IHO1: variants seen among roughly 807,000 people sequenced by gnomAD.
IHO1 encodes the protein interactor of HORMAD1 1.
Under a neutral mutation model 31.0 loss-of-function variants are expected in IHO1, and 13 were observed. The ratio of observed to expected loss-of-function variants is 0.42; its 90% CI spans 0.27 to 0.67. The LOEUF (loss-of-function observed/expected upper bound fraction) is 0.67, where lower values mean the gene tolerates loss of function less well. IHO1 is among the 30% of genes least tolerant of loss of function. The probability of loss-of-function intolerance (pLI) is 0.24; values close to 1 mark genes in which losing one functional copy is unlikely to be tolerated. For missense variants in IHO1, 599 were observed against 687.5 expected (o/e 0.87, Z 1.44); for synonymous variants, 221 against 248.4 (o/e 0.89, Z 1.04).
intron 1 of IHO1, among the ~76,000 whole-genome samples, chr3:49,210,942 C>T (rs1029101583): frequency 8.6e-5 from 13 of 151,294 alleles, no homozygotes; most frequent in East Asian, 1.9e-4. Flanking sequence ...GTGATCCACC[C>T]GCCTCGGTCT....
upstream of IHO1, among the ~76,000 whole-genome samples, chr3:49,194,512 C>T (rs1575558244): frequency 6.8e-6 from 1 of 146,878 alleles, no homozygotes; most frequent in Non-Finnish European, 1.5e-5. Context: ...ACTGTGGTCT[C>T]GATCTCCTGA....
At chr3:49,231,465 T>C (rs2046481266) in intron 2 of IHO1, among the ~76,000 whole-genome samples, 1 of 152,246 alleles carries the variant, frequency 6.6e-6, no homozygotes, top group Non-Finnish European at 1.5e-5. Context: ...GTTTTTCAGA[T>C]GCCTTATACT....
At chr3:49,225,549 T>C (rs577996959) in intron 2 of IHO1, among the ~76,000 whole-genome samples, 2 of 151,970 alleles carry the variant, frequency 1.3e-5, no homozygotes, top group Non-Finnish European at 2.9e-5. Flanking sequence ...AACTTCAGGG[T>C]TGATTCCCTC....
At chr3:49,226,862 G>T (rs1034713855) in intron 2 of IHO1, among the ~76,000 whole-genome samples, 6 of 152,130 alleles carry the variant, frequency 3.9e-5, no homozygotes, top group Admixed American at 1.3e-4. Context: ...AATCAGAGAG[G>T]GAGAAGTGGA....
intron 2 of IHO1, among the ~76,000 whole-genome samples, chr3:49,231,000 C>G (rs1424173881): frequency 2.0e-5 from 3 of 152,194 alleles, no homozygotes; most frequent in Admixed American, 2.0e-4. Flanking sequence ...AGAATAGATA[C>G]AGAGAAGACT....
At chr3:49,217,912 C>T (rs1559440958) in intron 2 of IHO1, among the ~76,000 whole-genome samples, 2 of 152,232 alleles carry the variant, frequency 1.3e-5, no homozygotes, top group Admixed American at 6.5e-5. Context: ...CCAGCCTGGG[C>T]AACATGACTG....
At chr3:49,193,655 CAAAAAAAA>C (rs71077770), upstream of IHO1, among the ~76,000 whole-genome samples, 1 of 24,998 alleles carries the variant, frequency 4.0e-5, no homozygotes, top group Admixed American at 6.5e-4. Context: ...GAGACTCTAC[CAAAAAAAA>C]AAAAAAAAAA....
chr3:49,213,957 A>G, intron 2 of IHO1: 1 of 421,140 alleles, frequency 2.4e-6, no homozygotes, highest in Non-Finnish European at 4.9e-6. Context: ...GGAAGCTCCG[A>G]GAGCAAGCGA....
chr3:49,251,750 C>T (rs1459826599), intron 6 of IHO1, among the ~76,000 whole-genome samples: 3 of 150,298 alleles, frequency 2.0e-5, no homozygotes, highest in Admixed American at 6.6e-5. Flanking sequence ...TACAGGCATG[C>T]GACACCACGC....
chr3:49,192,700 C>T, the IHO1 span, among the ~76,000 whole-genome samples: 3 of 152,120 alleles, frequency 2.0e-5, no homozygotes, highest in African/African-American at 4.8e-5. Flanking sequence ...AGTTCCAGAC[C>T]AGTCTGGGCA....
Position 49,208,368 on chromosome 3 carries a change from T to C in IHO1, c.-15-3398T>C, listed in dbSNP as rs142017894. ...TCTCCTGTCAGGTCAGTGGCAGCAT[T>C]AGATTCTCATAGGAGTGTGCATGAA... is the stretch of plus-strand genomic sequence containing the variant. On this transcript the variant is annotated intron_variant, in intron 1 of 7. Transcript: ENST00000452691. 3.3e-5 allele frequency among the ~76,000 whole-genome samples: 5 copies of C among 152,312 alleles called. No individual in the cohort carries two copies. In the East Asian group the frequency reaches 9.6e-4, roughly 29 times the overall value.
At chr3:49,220,247 G>A (rs959365732) in intron 2 of IHO1, among the ~76,000 whole-genome samples, 5 of 152,130 alleles carry the variant, frequency 3.3e-5, no homozygotes, top group South Asian at 2.1e-4. Flanking sequence ...GTCCCGTCCC[G>A]GGCCCTGTTC....
In IHO1 at chr3:49,256,259, A is replaced by G; in HGVS notation, c.762A>G (p.Leu254=). The change falls in exon 8 of 8, where the codon CTA becomes CTG. Residue 254 remains leucine (L), a synonymous_variant. Transcript: ENST00000452691. This position sits in a 1 kb window ranked among gnomAD's most constrained non-coding sequence, Gnocchi z 4.6. ...GCCAGCTGAATGTGCCCAGTGTCCT[A>G]GCAGAGCTGAAGAGATTGATCTCAG... ...QLGQLNVPSV[L]AELKRLISVP... 3.1e-6 allele frequency: 5 copies of G among 1,614,206 alleles called. No homozygotes were observed. The highest frequency in any genetic ancestry group is 4.2e-6 in the Non-Finnish European group (5 of 1,180,046).
intron 1 of IHO1, among the ~76,000 whole-genome samples, chr3:49,211,006 GTT>G (rs59697636): frequency 8.6e-5 from 10 of 116,692 alleles, no homozygotes; most frequent in Non-Finnish European, 7.2e-5. Context: ...TCTCCATTTA[GTT>G]TTTTTTTTTT....
chr3:49,219,056 C>T (rs950998018), intron 2 of IHO1, among the ~76,000 whole-genome samples: 2 of 152,094 alleles, frequency 1.3e-5, no homozygotes, highest in Non-Finnish European at 2.9e-5. Flanking sequence ...TGCTTGTAAT[C>T]CCAGCACTTT....
chr3:49,202,879 G>A (rs1181408112), intron 1 of IHO1, among the ~76,000 whole-genome samples: 1 of 120,014 alleles, frequency 8.3e-6, no homozygotes, highest in Non-Finnish European at 1.7e-5. Context: ...TTTTTGAGAC[G>A]GAGTCTCGCT....
chr3:49,255,851 C>G (rs963046390), intron 7 of IHO1, among the ~76,000 whole-genome samples: 7 of 151,940 alleles, frequency 4.6e-5, no homozygotes, highest in Non-Finnish European at 1.5e-5. Flanking sequence ...TGCGCCCGGC[C>G]GAGAAACCTT....
chr3:49,209,324 A>G (rs2046179176), intron 1 of IHO1, among the ~76,000 whole-genome samples: 1 of 152,188 alleles, frequency 6.6e-6, no homozygotes, highest in Admixed American at 6.5e-5. Context: ...ACCTGGAACT[A>G]TAAGGGCCTT....
rs148491188 is a variant in IHO1 at position 49,249,191 on chromosome 3, C to T, written c.532+4458C>T. 5.8e-3 allele frequency among the ~76,000 whole-genome samples: 887 copies of T among 152,262 alleles called. 9 individuals carry two copies. Among genetic ancestry groups the T allele is most frequent in the African/African-American group, 0.02 (847 of 41,540 alleles). On this transcript the variant is annotated intron_variant, in intron 6 of 7. Coordinates refer to ENST00000452691, the MANE Select transcript of IHO1 (RefSeq NM_001135197.2). Reference sequence around the variant, plus strand: ...AGGACCACAGTAATAAAGTTAATTACCAAAGCCTCTTGTATACTACTTTAC... The same window carrying T: ...AGGACCACAGTAATAAAGTTAATTATCAAAGCCTCTTGTATACTACTTTAC...
Sources: gnomAD v4.1 joint callset for allele counts (sites outside exome capture counted in the v4.1 genomes callset) on GRCh38, gnomAD v4.1.1 for gene constraint, Gnocchi (gnomAD v3.1) non-coding constraint, MANE v1.5 for transcripts, NCBI Gene and HGNC (gene_info 2026-07-23, HGNC 2026-07-21) for gene names.